The following CYP4X1 variants were observed in gnomAD, a reference collection of about 807,000 sequenced individuals.
CYP4X1 encodes the protein cytochrome P450 4X1.
In CYP4X1, 44 loss-of-function variants were observed where a neutral mutation model predicts 57.9. The observed-to-expected ratio is 0.76, with a 90% CI of 0.60 to 0.98. CYP4X1 has a LOEUF of 0.98. Ranked by LOEUF, CYP4X1 falls within the 50% of genes least tolerant of loss-of-function variation. The probability of loss-of-function intolerance (pLI) is 0.00; values close to 1 mark genes in which losing one functional copy is unlikely to be tolerated. For synonymous variants in CYP4X1, 227 were observed against 228.6 expected (o/e 0.99, Z 0.06); for missense variants, 532 against 623.9 (o/e 0.85, Z 1.57).
intron 9 of CYP4X1, among the ~76,000 whole-genome samples, chr1:47,046,858 G>A (rs571222973): frequency 2.5e-4 from 38 of 152,266 alleles, no homozygotes; most frequent in Non-Finnish European, 1.2e-4. Flanking sequence ...CCAGCCCAGG[G>A]TCTCTTCCAT....
At chr1:47,021,766 C>T (rs1302155866), upstream of CYP4X1, among the ~76,000 whole-genome samples, 1 of 152,170 alleles carries the variant, frequency 6.6e-6, no homozygotes, top group Non-Finnish European at 1.5e-5. Flanking sequence ...ACTGTCCAAG[C>T]CTCAGAGGGA....
At chr1:47,009,483 A>G in the CYP4X1 span, among the ~76,000 whole-genome samples, 2 of 152,236 alleles carry the variant, frequency 1.3e-5, no homozygotes, top group Non-Finnish European at 2.9e-5. Flanking sequence ...TGACACCCTA[A>G]CATCACAATT....
At chr1:47,000,338 A>G in the CYP4X1 span, among the ~76,000 whole-genome samples, 11,210 of 151,916 alleles carry the variant, frequency 0.074, 1,215 homozygotes, top group African/African-American at 0.23. Flanking sequence ...TAAACAACTC[A>G]GTGTCAGGTA....
At chr1:46,995,314 T>C in the CYP4X1 span, among the ~76,000 whole-genome samples, 1 of 152,068 alleles carries the variant, frequency 6.6e-6, no homozygotes, top group Non-Finnish European at 1.5e-5. Flanking sequence ...AAACTAAAAC[T>C]GTTCAATAAA....
At chr1:46,997,807 A>G in the CYP4X1 span, among the ~76,000 whole-genome samples, 1 of 152,178 alleles carries the variant, frequency 6.6e-6, no homozygotes, top group African/African-American at 2.4e-5. Flanking sequence ...GGACTAATTT[A>G]CATTACCTCT....
the CYP4X1 span, among the ~76,000 whole-genome samples, chr1:46,983,355 A>T: frequency 2.6e-5 from 4 of 152,296 alleles, no homozygotes; most frequent in East Asian, 7.7e-4. Context: ...GCTCACAGGG[A>T]AGAGAGACTG....
Position 47,038,887 on chromosome 1 carries a change from T to G in CYP4X1, c.882+121T>G, listed in dbSNP as rs1644214771. 5 of 669,108 alleles carry G rather than the reference T, an allele frequency of 7.5e-6. No individual in the cohort carries two copies. The Admixed American group carries it at 1.7e-4, about 23-fold the overall frequency. The allele number at this position is 669,108 out of a possible 1,614,324, so 41.4% of individuals were successfully genotyped here. On this transcript the variant is annotated intron_variant, in intron 7 of 11. Transcript: ENST00000371901. Reference sequence around the variant, plus strand: ...CGATTGACTAAATTTAACTGTACTTTGAATTGATGAGCAGCTTCATGCAAT... The same window carrying G: ...CGATTGACTAAATTTAACTGTACTTGGAATTGATGAGCAGCTTCATGCAAT...
the CYP4X1 span, among the ~76,000 whole-genome samples, chr1:47,017,478 G>C: frequency 6.6e-6 from 1 of 151,626 alleles, no homozygotes; most frequent in East Asian, 1.9e-4. Flanking sequence ...AGGGCAGGGG[G>C]TGGAGATGGG....
chr1:47,025,644 A>G (rs988098194), intron 1 of CYP4X1, among the ~76,000 whole-genome samples: 1 of 152,062 alleles, frequency 6.6e-6, no homozygotes, highest in Admixed American at 6.6e-5. Context: ...CCCCCACAGT[A>G]TTGTTAACTT....
chr1:47,037,643 T>A (rs1254357356), intron 6 of CYP4X1, among the ~76,000 whole-genome samples: 2 of 152,094 alleles, frequency 1.3e-5, no homozygotes, highest in African/African-American at 4.8e-5. Context: ...ATCTACCCAC[T>A]CGATGTAGTA....
intron 1 of CYP4X1, among the ~76,000 whole-genome samples, chr1:47,025,395 C>T (rs1644051818): frequency 6.6e-6 from 1 of 152,184 alleles, no homozygotes. Flanking sequence ...GTGAATGACC[C>T]AGCCTCAGGT....
chr1:47,026,664 C>G (rs549499678), intron 1 of CYP4X1, among the ~76,000 whole-genome samples: 1 of 152,128 alleles, frequency 6.6e-6, no homozygotes, highest in South Asian at 2.1e-4. Context: ...GTCTTCTGAT[C>G]CATGAACACA....
the CYP4X1 span, among the ~76,000 whole-genome samples, chr1:46,969,381 A>T: frequency 6.6e-6 from 1 of 152,166 alleles, no homozygotes; most frequent in Non-Finnish European, 1.5e-5. Context: ...CTTTATAGCA[A>T]TGCAAGAGTG....
chr1:47,016,486 G>T, the CYP4X1 span, among the ~76,000 whole-genome samples: 1,324 of 151,932 alleles, frequency 8.7e-3, 12 homozygotes, highest in South Asian at 0.051. Flanking sequence ...GGACTACAGG[G>T]GCCCACCACC....
intron 6 of CYP4X1, among the ~76,000 whole-genome samples, chr1:47,038,200 CTAAAA>C (rs1644206454): frequency 6.6e-6 from 1 of 152,096 alleles, no homozygotes; most frequent in African/African-American, 2.4e-5. Flanking sequence ...ACCCCTGTAT[CTAAAA>C]TAAAAGTTGA....
At chr1:46,983,800 G>C in the CYP4X1 span, among the ~76,000 whole-genome samples, 1 of 152,190 alleles carries the variant, frequency 6.6e-6, no homozygotes, top group South Asian at 2.1e-4. Flanking sequence ...CTCCAGCCCA[G>C]ATAATACAGA....
the CYP4X1 span, among the ~76,000 whole-genome samples, chr1:46,968,205 CA>C: frequency 6.6e-6 from 1 of 152,138 alleles, no homozygotes. Flanking sequence ...GTCTAGGGGC[CA>C]GGCTTCTGCC....
chr1:46,994,140 T>G, the CYP4X1 span, among the ~76,000 whole-genome samples: 1 of 152,362 alleles, frequency 6.6e-6, no homozygotes, highest in Non-Finnish European at 1.5e-5. Flanking sequence ...GTTTCAGCTT[T>G]CTACATATGG....
chr1:46,984,132 G>C, the CYP4X1 span, among the ~76,000 whole-genome samples: 735 of 151,108 alleles, frequency 4.9e-3, 7 homozygotes, highest in African/African-American at 0.017. Flanking sequence ...GGAGGGCGGG[G>C]AGGGTGTGTG....
Sources: gnomAD v4.1 joint callset for allele counts (sites outside exome capture counted in the v4.1 genomes callset) on GRCh38, gnomAD v4.1.1 for gene constraint, MANE v1.5 for transcripts, NCBI Gene and HGNC (gene_info 2026-07-23, HGNC 2026-07-21) for gene names.